The following QRICH1 variants were observed in gnomAD, a reference collection of about 807,000 sequenced individuals.
QRICH1 encodes the protein glutamine rich 1.
A neutral mutation model predicts 87.1 loss-of-function variants in QRICH1; 16 were observed. The ratio of observed to expected loss-of-function variants is 0.18; its 90% CI spans 0.12 to 0.28. QRICH1 has a LOEUF of 0.28. Among genes scored for constraint, QRICH1 ranks in the 10% least tolerant of loss-of-function variants. QRICH1 has a pLI of 1.00. For missense variants in QRICH1, 647 were observed against 951.7 expected (o/e 0.68, Z 4.21); for synonymous variants, 367 against 368.4 (o/e 1.00, Z 0.05).
In QRICH1 at chr3:49,047,333, T is replaced by C. The variant is rs947282491; in HGVS notation, c.1339-87A>G. 6 of 1,251,662 alleles carry C rather than the reference T, an allele frequency of 4.8e-6. No individual in the cohort carries two copies. In the East Asian group the frequency reaches 9.4e-5, roughly 20 times the overall value. 77.5% of individuals were successfully genotyped at this position (1,251,662 alleles called of 1,614,324 possible). A position where few individuals can be genotyped will look rare whatever the true frequency, so the allele number is the denominator to read the frequency against. On this transcript the variant is annotated intron_variant, in intron 3 of 9. Coordinates refer to ENST00000395443, the MANE Select transcript of QRICH1 (RefSeq NM_198880.3). The stretch of plus-strand genomic sequence containing the variant: ...TTGCCAGAAAAATGTTATGTATAGT[T>C]CATTTATTTAAGAAAATATTTCTCT...
chr3:49,044,154 G>GT (rs377341166), intron 6 of QRICH1, among the ~76,000 whole-genome samples: 53 of 152,236 alleles, frequency 3.5e-4, no homozygotes, highest in African/African-American at 1.2e-3. Context: ...AAAAAAGATA[G>GT]TAACTACCCC....
chr3:49,040,731 A>G (rs926775538), intron 6 of QRICH1, among the ~76,000 whole-genome samples: 3 of 152,212 alleles, frequency 2.0e-5, no homozygotes, highest in Admixed American at 6.5e-5. Flanking sequence ...ACTTCTCTGA[A>G]TGTCAAGGAA....
At chr3:49,072,597 T>C (rs1234610543) in intron 2 of QRICH1, among the ~76,000 whole-genome samples, 1 of 152,128 alleles carries the variant, frequency 6.6e-6, no homozygotes, top group African/African-American at 2.4e-5. Flanking sequence ...TAAATGGTAT[T>C]ATCCTTATTT....
At chr3:49,056,682 ACT>A in intron 3 of QRICH1, 178 bp downstream of exon 3, 3 of 1,149,902 alleles carry the variant, frequency 2.6e-6, no homozygotes, top group East Asian at 2.4e-5. Context: ...ACCAGGATAA[ACT>A]CTTTTTTCTG....
intron 1 of QRICH1, among the ~76,000 whole-genome samples, chr3:49,086,484 C>T (rs1303805743): frequency 6.6e-6 from 1 of 152,026 alleles, no homozygotes; most frequent in African/African-American, 2.4e-5. Flanking sequence ...GTCTCGATCT[C>T]CTGACCTCGT....
chr3:49,038,316 C>A (rs1042971126), intron 6 of QRICH1, among the ~76,000 whole-genome samples: 1 of 152,056 alleles, frequency 6.6e-6, no homozygotes, highest in Non-Finnish European at 1.5e-5. Flanking sequence ...CCGCTTCGGC[C>A]TCCCAAAGTG....
intron 1 of QRICH1, among the ~76,000 whole-genome samples, chr3:49,085,035 C>T (rs964057154): frequency 2.0e-5 from 3 of 150,752 alleles, no homozygotes; most frequent in African/African-American, 7.3e-5. Context: ...CCCAGCTACT[C>T]GGGAGGCTGA....
rs139516924 is a variant in QRICH1, at chr3:49,029,925, G to C, written c.*527C>G. 1 of 174,400 alleles carries C rather than the reference G, an allele frequency of 5.7e-6. No individual in the cohort carries two copies. Among genetic ancestry groups the C allele is most frequent in the African/African-American group, 2.4e-5 (1 of 41,964 alleles). The allele number at this position is 174,400 out of a possible 1,614,324, so 10.8% of individuals were successfully genotyped here. A position where few individuals can be genotyped will look rare whatever the true frequency, so the allele number is the denominator to read the frequency against. On this transcript the variant is annotated 3_prime_UTR_variant, in exon 10 of 10. Coordinates refer to ENST00000395443, the MANE Select transcript of QRICH1 (RefSeq NM_198880.3). Reference sequence around the variant, plus strand: ...ATCTAAAATGTCACTTGTCATAAAGGAGGGTGTAATAGAAATTGTCTTTAA... The same window carrying C: ...ATCTAAAATGTCACTTGTCATAAAGCAGGGTGTAATAGAAATTGTCTTTAA...
chr3:49,032,115 CAAGT>C (rs1237624917), intron 9 of QRICH1, 64 bp downstream of exon 9: 1 of 1,261,746 alleles, frequency 7.9e-7, no homozygotes, highest in East Asian at 2.3e-5. Flanking sequence ...AGTGATCACA[CAAGT>C]GAGCATGCAC....
At chr3:49,084,521 T>C (rs979356509) in intron 1 of QRICH1, among the ~76,000 whole-genome samples, 3 of 152,132 alleles carry the variant, frequency 2.0e-5, no homozygotes, top group Non-Finnish European at 4.4e-5. Context: ...CCCAAAGTGC[T>C]AGGATTACAG....
intron 2 of QRICH1, among the ~76,000 whole-genome samples, chr3:49,067,138 A>T (rs187902761): frequency 7.2e-5 from 11 of 152,330 alleles, no homozygotes; most frequent in Non-Finnish European, 1.5e-4. Flanking sequence ...AATACTAGGG[A>T]GTTAGAACCT....
intron 6 of QRICH1, among the ~76,000 whole-genome samples, chr3:49,037,579 A>G (rs2093283350): frequency 6.6e-6 from 1 of 152,216 alleles, no homozygotes; most frequent in Non-Finnish European, 1.5e-5. Flanking sequence ...TGAAAATACA[A>G]AAATTAGCTG....
chr3:49,056,620 A>T (rs2093403925), intron 3 of QRICH1: 12 of 698,510 alleles, frequency 1.7e-5, no homozygotes, highest in Non-Finnish European at 2.4e-5. Context: ...TTAAACCCAA[A>T]ATGTCTCCAA....
chr3:49,048,619 T>A (rs2093352423), intron 3 of QRICH1, among the ~76,000 whole-genome samples: 1 of 150,330 alleles, frequency 6.7e-6, no homozygotes, highest in Admixed American at 6.6e-5. Context: ...AAACCCCATC[T>A]CTACTAAAAT....
In QRICH1 at chr3:49,031,749, A is replaced by C. The variant is rs556115681; in HGVS notation, c.2138+434T>G. ...GAGCTCCACAGACATGAGGTTAGCA[A>C]GGGGGAGTGCATCAAAGGAGTTGTC... On this transcript the variant is annotated intron_variant, in intron 9 of 9. Coordinates refer to ENST00000395443, the MANE Select transcript of QRICH1 (RefSeq NM_198880.3). Among the ~76,000 whole-genome samples, 8 of 152,278 alleles carry C rather than the reference A, an allele frequency of 5.3e-5. No homozygotes were observed. The South Asian group carries it at 1.7e-3, about 32-fold the overall frequency.
chr3:49,068,985 T>C (rs186744149), intron 2 of QRICH1, among the ~76,000 whole-genome samples: 2 of 152,022 alleles, frequency 1.3e-5, no homozygotes, highest in East Asian at 3.9e-4. Flanking sequence ...GCAGGTATCA[T>C]ATAGCACAAA....
chr3:49,048,477 T>TA lies in QRICH1; in HGVS notation c.1339-1232dup, dbSNP rs1019786820. On this transcript the variant is annotated intron_variant, in intron 3 of 9. Transcript: ENST00000395443. ...CACCTTGAAATCATCTGGATTGCTT[T>TA]AAAAAAAAAAAAAAAAAAAAACCCA... 6.2e-3 allele frequency among the ~76,000 whole-genome samples: 818 copies of TA among 132,542 alleles called. 6 individuals are homozygous for TA. The highest frequency in any genetic ancestry group is 0.02 in the African/African-American group (700 of 35,380). 87.0% of individuals were successfully genotyped at this position (132,542 alleles called of 152,430 possible).
chr3:49,035,193 C>A (rs1166265911), intron 6 of QRICH1, among the ~76,000 whole-genome samples: 1 of 152,144 alleles, frequency 6.6e-6, no homozygotes, highest in Non-Finnish European at 1.5e-5. Context: ...ACCTCAGCCT[C>A]CCTAGTAGCT....
intron 1 of QRICH1, among the ~76,000 whole-genome samples, chr3:49,078,780 C>A (rs1307473405): frequency 6.7e-6 from 1 of 148,196 alleles, no homozygotes; most frequent in Non-Finnish European, 1.5e-5. Context: ...TCACTGCAGC[C>A]TCCCAGGTTC....
Sources: allele counts gnomAD v4.1 joint callset (sites outside exome capture counted in the v4.1 genomes callset), GRCh38; gene constraint gnomAD v4.1.1; transcripts MANE v1.5; gene names NCBI Gene and HGNC (gene_info 2026-07-23, HGNC 2026-07-21).